The following PTPRG variants were observed in gnomAD, a reference collection of about 807,000 sequenced individuals.
PTPRG encodes the protein receptor-type tyrosine-protein phosphatase gamma.
In PTPRG, 102 loss-of-function variants were observed where a neutral mutation model predicts 165.3. The observed-to-expected ratio is 0.62, with a 90% CI of 0.53 to 0.73. The LOEUF (loss-of-function observed/expected upper bound fraction) is 0.73. Ranked by LOEUF, PTPRG falls within the 30% of genes least tolerant of loss-of-function variation. The pLI is 0.00. For missense variants in PTPRG, 1,866 were observed against 1,861.4 expected (o/e 1.00, Z -0.05); for synonymous variants, 675 against 669.5 (o/e 1.01, Z -0.13).
intron 1 of PTPRG, among the ~76,000 whole-genome samples, chr3:61,586,212 G>A (rs1270066565): frequency 2.0e-5 from 3 of 151,824 alleles, no homozygotes; most frequent in African/African-American, 7.3e-5. Context: ...ATATCTAGGA[G>A]TTGAAACTTA....
chr3:62,171,080 C>T (rs1326917085), intron 8 of PTPRG, among the ~76,000 whole-genome samples: 1 of 152,198 alleles, frequency 6.6e-6, no homozygotes, highest in Non-Finnish European at 1.5e-5. Context: ...TAAGCATCCT[C>T]TCTGTTGTGG....
Position 62,157,138 on chromosome 3 carries a change from T to C in PTPRG, c.754T>C (p.Tyr252His). ...LPASLGSYYR[Y>H]TGSLTTPPCS... The stretch of plus-strand genomic sequence containing the variant: ...TGCATCCCTGGGCAGCTATTATCGG[T>C]ACACAGGTTCCTTGACCACACCACC... The change falls in exon 7 of 30, where the codon TAC becomes CAC. Residue 252 changes from tyrosine to histidine, a missense_variant. Physicochemically the swap from Tyr to His is moderately conservative, Grantham distance 83. Transcript: ENST00000474889. The C allele has an allele frequency of 6.2e-7, 1 of 1,613,584 alleles. No individual in the cohort carries two copies. The highest frequency in any genetic ancestry group is 2.2e-5 in the East Asian group (1 of 44,866).
At chr3:61,921,117 CTCCTTCCTTCCTTCCT>C (rs72298352) in intron 2 of PTPRG, among the ~76,000 whole-genome samples, 184 of 148,620 alleles carry the variant, frequency 1.2e-3, no homozygotes, top group Admixed American at 2.1e-3. Flanking sequence ...TTCCATCCAT[CTCCTTCCTTCCTTCCT>C]TCCTTCCTTC....
intron 2 of PTPRG, among the ~76,000 whole-genome samples, chr3:61,901,583 A>G (rs1221044129): frequency 6.6e-6 from 1 of 152,182 alleles, no homozygotes; most frequent in Non-Finnish European, 1.5e-5. Flanking sequence ...CCCAATTTCA[A>G]CTGCAGTTCC....
At chr3:61,760,672 G>A (rs753352455) in intron 2 of PTPRG, among the ~76,000 whole-genome samples, 7 of 152,200 alleles carry the variant, frequency 4.6e-5, no homozygotes, top group Admixed American at 6.5e-5. Context: ...GGGAAAGTGC[G>A]CCTGGTGATT....
intron 1 of PTPRG, among the ~76,000 whole-genome samples, chr3:61,726,910 G>A (rs141494137): frequency 0.014 from 2,202 of 152,224 alleles, 30 homozygotes; most frequent in African/African-American, 0.031. Flanking sequence ...AGCCAGCCAT[G>A]GTGGCGGGCG....
chr3:61,819,336 T>G (rs551346310), intron 2 of PTPRG, among the ~76,000 whole-genome samples: 1 of 152,220 alleles, frequency 6.6e-6, no homozygotes, highest in Non-Finnish European at 1.5e-5. Context: ...GAAGCATTGA[T>G]GACATAAGTA....
At position 62,100,543 on chromosome 3, in the gene PTPRG, C is replaced by G. The variant is rs1410985522; in HGVS notation, c.615+22285C>G. On this transcript the variant is annotated intron_variant, in intron 5 of 29. Coordinates refer to ENST00000474889, the MANE Select transcript of PTPRG (RefSeq NM_002841.4). ...GCATCCCTTCAGTTAGAGAGTGGAT[C>G]TGGACATATGCCAGATTTGCCTGGA... Among the ~76,000 whole-genome samples, 4 of 151,952 alleles carry G rather than the reference C, an allele frequency of 2.6e-5. No individual in the cohort carries two copies. In the East Asian group the frequency reaches 7.7e-4, roughly 29 times the overall value.
rs1016313662 is a variant in PTPRG at position 62,166,795 on chromosome 3, C to T, written c.841-1176C>T. On this transcript the variant is annotated intron_variant, in intron 7 of 29. Coordinates refer to ENST00000474889, the MANE Select transcript of PTPRG (RefSeq NM_002841.4). The stretch of plus-strand genomic sequence containing the variant: ...CTTGCAACTCCCAGCCTCAAGTAAC[C>T]CTCTCACCTCACCCTCCCAAGAAGC... Among the ~76,000 whole-genome samples, 3 of 152,126 alleles carry T rather than the reference C, an allele frequency of 2.0e-5. No homozygotes were observed. The East Asian group carries it at 5.8e-4, about 29-fold the overall frequency.
chr3:62,094,400 A>C (rs1266281396), intron 5 of PTPRG, among the ~76,000 whole-genome samples: 1 of 152,140 alleles, frequency 6.6e-6, no homozygotes, highest in Non-Finnish European at 1.5e-5. Flanking sequence ...TTTTCAGTGG[A>C]GATCTTGTAC....
chr3:61,765,318 G>A (rs1284618234), intron 2 of PTPRG, among the ~76,000 whole-genome samples: 3 of 152,176 alleles, frequency 2.0e-5, no homozygotes, highest in Non-Finnish European at 4.4e-5. Context: ...AGCCTACCTC[G>A]TAATGTCACA....
At chr3:61,899,205 T>C (rs1241509887) in intron 2 of PTPRG, among the ~76,000 whole-genome samples, 1 of 152,218 alleles carries the variant, frequency 6.6e-6, no homozygotes, top group Non-Finnish European at 1.5e-5. Context: ...TTACCTACTC[T>C]GCCTAGTGCC....
rs537681644 is a variant in PTPRG at position 62,054,715 on chromosome 3, C to G, written c.520-23448C>G. On this transcript the variant is annotated intron_variant, in intron 4 of 29. Coordinates refer to ENST00000474889, the MANE Select transcript of PTPRG (RefSeq NM_002841.4). ...AGAAATGGAAATCTTTGTTTTTGTA[C>G]CTTTTTTGAGTTATATTTTGCAGTC... is the stretch of plus-strand genomic sequence containing the variant. 5.3e-5 allele frequency among the ~76,000 whole-genome samples: 8 copies of G among 152,248 alleles called. No individual in the cohort carries two copies. In the South Asian group the frequency reaches 1.0e-3, roughly 20 times the overall value.
intron 2 of PTPRG, among the ~76,000 whole-genome samples, chr3:61,871,900 A>G (rs914010255): frequency 2.0e-5 from 3 of 152,208 alleles, no homozygotes; most frequent in African/African-American, 7.2e-5. Flanking sequence ...GGCCGTAGGC[A>G]TTAAGAATCC....
chr3:62,138,731 A>G (rs1041985527), intron 6 of PTPRG, among the ~76,000 whole-genome samples: 2 of 151,886 alleles, frequency 1.3e-5, no homozygotes, highest in African/African-American at 4.8e-5. Context: ...AAAAAAAAAA[A>G]AAAAAGAAAG....
intron 1 of PTPRG, among the ~76,000 whole-genome samples, chr3:61,582,576 A>G (rs937460033): frequency 1.3e-5 from 2 of 152,120 alleles, no homozygotes; most frequent in Non-Finnish European, 2.9e-5. Context: ...AATTCATGTT[A>G]ACTTTAACCA....
intron 2 of PTPRG, among the ~76,000 whole-genome samples, chr3:61,921,832 T>C (rs1165122775): frequency 6.6e-6 from 1 of 152,234 alleles, no homozygotes; most frequent in Non-Finnish European, 1.5e-5. Context: ...AAATTGTTTT[T>C]TTTCTGTAAC....
rs1201083278 is a variant in PTPRG, at chr3:62,219,405, AT to A, written c.2288+430del. ...CATAATAACTCCTCTTTACCTTAGA[AT>A]TTTTTTTCATAGTCTTTCACTGAAA... On this transcript the variant is annotated intron_variant, in intron 13 of 29. Transcript: ENST00000474889. This position sits in a 1 kb window ranked among gnomAD's most constrained non-coding sequence, Gnocchi z 4.5. Among the ~76,000 whole-genome samples the A allele has an allele frequency of 1.3e-5, 2 of 152,120 alleles. No homozygotes were observed. Among genetic ancestry groups the A allele is most frequent in the African/African-American group, 2.4e-5 (1 of 41,414 alleles).
At chr3:61,717,927 T>A (rs1390163591) in intron 1 of PTPRG, among the ~76,000 whole-genome samples, 1 of 152,070 alleles carries the variant, frequency 6.6e-6, no homozygotes, top group Non-Finnish European at 1.5e-5. Flanking sequence ...ACACCTATAA[T>A]CCCAGCACTT....
Sources: allele counts gnomAD v4.1 joint callset (sites outside exome capture counted in the v4.1 genomes callset), GRCh38; gene constraint gnomAD v4.1.1; non-coding constraint Gnocchi (gnomAD v3.1); transcripts MANE v1.5; gene names NCBI Gene and HGNC (gene_info 2026-07-23, HGNC 2026-07-21).